CFAP299: variants seen among roughly 807,000 people sequenced by gnomAD.
CFAP299 encodes the protein cilia and flagella associated protein 299.
Under a neutral mutation model 27.0 loss-of-function variants are expected in CFAP299, and 21 were observed. That is an observed-to-expected ratio of 0.78 (90% CI 0.55 to 1.12). The LOEUF (loss-of-function observed/expected upper bound fraction) is 1.12, where lower values mean the gene tolerates loss of function less well. CFAP299 is among the 50% of genes most tolerant of loss of function. The pLI, the probability that CFAP299 is intolerant of heterozygous loss-of-function variation, is 0.00. For synonymous variants in CFAP299, 104 were observed against 98.1 expected (o/e 1.06, Z -0.36); for missense variants, 310 against 276.6 (o/e 1.12, Z -0.86).
chr4:80,736,248 T>A (rs1222362561), intron 3 of CFAP299, among the ~76,000 whole-genome samples: 3 of 152,112 alleles, frequency 2.0e-5, no homozygotes, highest in Admixed American at 6.6e-5. Context: ...CATCTTGAAT[T>A]GATTTTTGTA....
chr4:80,832,563 C>T (rs113345347), intron 3 of CFAP299, among the ~76,000 whole-genome samples: 2,403 of 152,038 alleles, frequency 0.016, 28 homozygotes, highest in African/African-American at 0.031. Context: ...TTCATATAAA[C>T]GTAAAAGTTC....
At chr4:80,723,614 T>C (rs1426491628) in intron 3 of CFAP299, among the ~76,000 whole-genome samples, 1 of 151,954 alleles carries the variant, frequency 6.6e-6, no homozygotes, top group Non-Finnish European at 1.5e-5. Context: ...TAGAGAGAAA[T>C]GGGAACAAGA....
intron 3 of CFAP299, among the ~76,000 whole-genome samples, chr4:80,748,107 G>C (rs1035043257): frequency 6.6e-6 from 1 of 152,018 alleles, no homozygotes; most frequent in Non-Finnish European, 1.5e-5. Flanking sequence ...CCTCTAGTTT[G>C]AGTTAGGGTA....
intron 4 of CFAP299, among the ~76,000 whole-genome samples, chr4:80,881,388 C>G (rs910350041): frequency 6.6e-6 from 1 of 152,192 alleles, no homozygotes; most frequent in African/African-American, 2.4e-5. Context: ...ACTGAATAAC[C>G]AGCAGAGCTC....
At chr4:80,613,842 C>T (rs1023210983) in intron 3 of CFAP299, among the ~76,000 whole-genome samples, 3 of 152,180 alleles carry the variant, frequency 2.0e-5, no homozygotes, top group Non-Finnish European at 2.9e-5. Flanking sequence ...AAGACTAATG[C>T]TTGACCAAAA....
intron 3 of CFAP299, among the ~76,000 whole-genome samples, chr4:80,708,079 T>C (rs919957834): frequency 1.3e-5 from 2 of 152,032 alleles, no homozygotes; most frequent in African/African-American, 4.8e-5. Context: ...AAATCAGGAA[T>C]CTAGTAACTT....
At chr4:80,668,634 T>C (rs776595566) in intron 3 of CFAP299, among the ~76,000 whole-genome samples, 3 of 152,156 alleles carry the variant, frequency 2.0e-5, no homozygotes, top group Non-Finnish European at 2.9e-5. Context: ...TATTTCTGGG[T>C]TCTCTATTCC....
chr4:80,661,700 G>A (rs1053740746), intron 3 of CFAP299, among the ~76,000 whole-genome samples: 3 of 152,092 alleles, frequency 2.0e-5, no homozygotes, highest in African/African-American at 7.2e-5. Flanking sequence ...AAAAGAACAG[G>A]ACAACAGCAA....
the CFAP299 span, among the ~76,000 whole-genome samples, chr4:80,326,119 T>C: frequency 6.6e-5 from 10 of 152,368 alleles, no homozygotes; most frequent in South Asian, 1.9e-3. Context: ...AGGTAATTAA[T>C]TCCATAATCT....
chr4:80,520,975 G>C (rs1732879919), intron 2 of CFAP299, among the ~76,000 whole-genome samples: 1 of 152,120 alleles, frequency 6.6e-6, no homozygotes, highest in African/African-American at 2.4e-5. Flanking sequence ...CATGGTGGGG[G>C]CACAAATTTG....
At chr4:80,767,374 C>T (rs1001308061) in intron 3 of CFAP299, among the ~76,000 whole-genome samples, 4 of 152,100 alleles carry the variant, frequency 2.6e-5, no homozygotes, top group South Asian at 4.1e-4. Flanking sequence ...CTTTGGGAGG[C>T]CGAGGCGGGT....
intron 3 of CFAP299, among the ~76,000 whole-genome samples, chr4:80,668,158 AT>A (rs33953018): frequency 2.0e-5 from 3 of 149,764 alleles, no homozygotes; most frequent in Middle Eastern, 3.4e-3. Context: ...TTTTAAATAA[AT>A]TTTTTTTTTT....
rs370071584 is a variant in CFAP299, at chr4:80,530,491, T to C, written c.243-52602T>C. ...AACTGTAAGGCTTTTCATCTTTTCA[T>C]CTAAACAGTAATGTCTATTAAGTCA... On this transcript the variant is annotated intron_variant, in intron 2 of 5. Coordinates refer to ENST00000358105, the MANE Select transcript of CFAP299 (RefSeq NM_152770.3). Among the ~76,000 whole-genome samples, 169 of 152,246 alleles carry C rather than the reference T, an allele frequency of 1.1e-3. 1 individual carries two copies. Among genetic ancestry groups the C allele is most frequent in the Non-Finnish European group, 7.1e-4 (48 of 68,012 alleles).
At chr4:80,600,080 T>C (rs754747192) in intron 3 of CFAP299, among the ~76,000 whole-genome samples, 3 of 152,092 alleles carry the variant, frequency 2.0e-5, no homozygotes, top group Non-Finnish European at 4.4e-5. Flanking sequence ...TCTACACTTA[T>C]AAATAGCAGA....
chr4:80,646,287 T>C (rs759037551), intron 3 of CFAP299, among the ~76,000 whole-genome samples: 4 of 152,178 alleles, frequency 2.6e-5, no homozygotes, highest in Non-Finnish European at 5.9e-5. Context: ...GCAGGCATGC[T>C]TTACCCAGAT....
At chr4:80,469,292 T>G (rs1305662911) in intron 2 of CFAP299, among the ~76,000 whole-genome samples, 1 of 152,216 alleles carries the variant, frequency 6.6e-6, no homozygotes, top group African/African-American at 2.4e-5. Context: ...GCTTTGGCCA[T>G]GGAGTTGACT....
At chr4:80,360,412 G>A (rs754964798) in intron 1 of CFAP299, among the ~76,000 whole-genome samples, 14 of 152,194 alleles carry the variant, frequency 9.2e-5, no homozygotes, top group Non-Finnish European at 1.8e-4. Context: ...CTGCAAGCAG[G>A]AGTCATGATA....
At chr4:80,565,948 C>A (rs1735262850) in intron 2 of CFAP299, among the ~76,000 whole-genome samples, 2 of 152,038 alleles carry the variant, frequency 1.3e-5, no homozygotes, top group Admixed American at 1.3e-4. Flanking sequence ...GACTTAGGGT[C>A]TCATCACTCT....
chr4:80,338,796 G>A lies in CFAP299; in HGVS notation c.111+2917G>A, dbSNP rs1722288866. The stretch of plus-strand genomic sequence containing the variant: ...GGTCTAAGTTTTATTTATTCAGCAA[G>A]CATTTTACAAACATTTACTATCTTC... On this transcript the variant is annotated intron_variant, in intron 1 of 5. Coordinates refer to ENST00000358105, the MANE Select transcript of CFAP299 (RefSeq NM_152770.3). 2.0e-5 allele frequency among the ~76,000 whole-genome samples: 3 copies of A among 152,286 alleles called. No individual in the cohort carries two copies. The South Asian group carries it at 6.2e-4, about 32-fold the overall frequency.
Sources: gnomAD v4.1 joint callset for allele counts (sites outside exome capture counted in the v4.1 genomes callset) on GRCh38, gnomAD v4.1.1 for gene constraint, MANE v1.5 for transcripts, NCBI Gene and HGNC (gene_info 2026-07-23, HGNC 2026-07-21) for gene names.